LRP1B: variants seen among roughly 807,000 people sequenced by gnomAD.
LRP1B encodes the protein low-density lipoprotein receptor-related protein 1B.
LRP1B carries 217 observed loss-of-function variants against 556.6 expected under a neutral mutation model. The observed-to-expected ratio is 0.39, with a 90% confidence interval of 0.35 to 0.44. The LOEUF is 0.44. Among genes scored for constraint, LRP1B ranks in the 20% least tolerant of loss-of-function variants. LRP1B has a pLI of 1.00. For missense variants in LRP1B, 5,053 were observed against 5,620.8 expected, an observed-to-expected ratio of 0.90 and a Z score of 3.23; for synonymous variants, 2,047 against 1,865.8, an observed-to-expected ratio of 1.10 and a Z score of -2.50.
intron 1 of LRP1B, among the ~76,000 whole-genome samples, chr2:141,874,032 C>A (rs1374522177): frequency 6.8e-6 from 1 of 147,438 alleles, no homozygotes. Flanking sequence ...AAAACACAGA[C>A]TGAAATTTGC....
At chr2:141,394,272 C>T (rs1573895668) in intron 3 of LRP1B, among the ~76,000 whole-genome samples, 1 of 152,022 alleles carries the variant, frequency 6.6e-6, no homozygotes, top group Non-Finnish European at 1.5e-5. Flanking sequence ...ATTGTGTAAA[C>T]TTTCAGGACT....
chr2:141,272,135 T>A (rs1268685156), intron 3 of LRP1B, among the ~76,000 whole-genome samples: 1 of 152,056 alleles, frequency 6.6e-6, no homozygotes, highest in South Asian at 2.1e-4. Context: ...TATGTATTAT[T>A]GGGTTTATAA....
At chr2:141,189,200 C>T (rs1681389876) in intron 6 of LRP1B, among the ~76,000 whole-genome samples, 1 of 151,988 alleles carries the variant, frequency 6.6e-6, no homozygotes, top group Non-Finnish European at 1.5e-5. Flanking sequence ...TGCTGCCCAA[C>T]AGCACTTTCT....
intron 7 of LRP1B, among the ~76,000 whole-genome samples, chr2:141,140,551 G>T (rs182121661): frequency 2.0e-5 from 3 of 152,090 alleles, no homozygotes; most frequent in African/African-American, 7.2e-5. Context: ...CAATAGAGCT[G>T]GTGTCCTAAC....
At chr2:140,760,624 G>A (rs542968275) in intron 35 of LRP1B, among the ~76,000 whole-genome samples, 126 of 152,276 alleles carry the variant, frequency 8.3e-4, no homozygotes, top group East Asian at 3.9e-4. Flanking sequence ...AGTGGCTCAC[G>A]CCTGTAATTC....
Position 141,012,538 on chromosome 2 carries a change from T to A in LRP1B, c.2380+1018A>T, listed in dbSNP as rs548349892. On this transcript the variant is annotated intron_variant, in intron 14 of 90. Coordinates refer to ENST00000389484, the MANE Select transcript of LRP1B (RefSeq NM_018557.3). ...ATTTCTTGTCCATAGCTATGGCTTG[T>A]GCCATCCAAATAATTTAAGTTTTAT... is the stretch of plus-strand genomic sequence containing the variant. Among the ~76,000 whole-genome samples, 140 of 152,136 alleles carry A rather than the reference T, an allele frequency of 9.2e-4. 1 individual carries two copies. Among genetic ancestry groups the A allele is most frequent in the Admixed American group, 1.8e-3 (27 of 15,268 alleles).
chr2:140,321,099 T>A (rs953634957), intron 82 of LRP1B, among the ~76,000 whole-genome samples: 1 of 152,116 alleles, frequency 6.6e-6, no homozygotes, highest in Non-Finnish European at 1.5e-5. Flanking sequence ...AAAAGTATTA[T>A]GTGTGGATTT....
chr2:141,441,980 C>T (rs2105005367), intron 3 of LRP1B, among the ~76,000 whole-genome samples: 1 of 152,276 alleles, frequency 6.6e-6, no homozygotes, highest in East Asian at 1.9e-4. Flanking sequence ...GCTCTTAAAA[C>T]ATCACCCAGG....
At chr2:141,807,464 T>C (rs1453851833) in intron 2 of LRP1B, among the ~76,000 whole-genome samples, 1 of 152,090 alleles carries the variant, frequency 6.6e-6, no homozygotes, top group Non-Finnish European at 1.5e-5. Context: ...TTTAAGGATA[T>C]TCAGCAATTT....
At position 140,623,956 on chromosome 2, in the gene LRP1B, G is replaced by GTATGTATATATATA. The variant is rs1553501210; in HGVS notation, c.6800-22318_6800-22317insTATATATATACATA. Among the ~76,000 whole-genome samples, 3 of 106,436 alleles carry GTATGTATATATATA rather than the reference G, an allele frequency of 2.8e-5. No individual in the cohort carries two copies. In the East Asian group the frequency reaches 9.2e-4, roughly 33 times the overall value. 69.8% of individuals were successfully genotyped at this position (106,436 alleles called of 152,430 possible). On this transcript the variant is annotated intron_variant, in intron 41 of 90. Transcript: ENST00000389484. ...AAAATATATATTATATTTTATTTAT[G>GTATGTATATATATA]TATATATATATATATATAGCTTAGT...
At chr2:141,365,656 T>TTTTTTTTTTTTTTGGCTC (rs1553503425) in intron 3 of LRP1B, among the ~76,000 whole-genome samples, 32 of 72,980 alleles carry the variant, frequency 4.4e-4, no homozygotes, top group African/African-American at 1.5e-3. Context: ...TTTTTGTTGC[T>TTTTTTTTTTTTTTGGCTC]TTTTTTTTTT....
At chr2:141,006,570 A>G (rs1246286980) in intron 14 of LRP1B, among the ~76,000 whole-genome samples, 3 of 152,062 alleles carry the variant, frequency 2.0e-5, no homozygotes, top group Admixed American at 6.6e-5. Flanking sequence ...TGCGAACATC[A>G]TAAAGCATCC....
intron 3 of LRP1B, among the ~76,000 whole-genome samples, chr2:141,367,495 TTTTTTGAG>T: frequency 7.3e-6 from 1 of 137,732 alleles, no homozygotes; most frequent in African/African-American, 2.8e-5. Flanking sequence ...TTTTTTTTTT[TTTTTTGAG>T]ATGAAGTCTT....
At chr2:140,535,362 G>A (rs1416658901) in intron 46 of LRP1B, among the ~76,000 whole-genome samples, 4 of 152,096 alleles carry the variant, frequency 2.6e-5, no homozygotes, top group African/African-American at 9.7e-5. Flanking sequence ...ATTCATTAAA[G>A]CGAATATGTT....
At chr2:141,506,773 G>A (rs1211103590) in intron 2 of LRP1B, among the ~76,000 whole-genome samples, 1 of 151,928 alleles carries the variant, frequency 6.6e-6, no homozygotes. Flanking sequence ...ATCCTTTAAA[G>A]TCTAAATATT....
chr2:142,067,710 TCTGA>T (rs1705156529), intron 1 of LRP1B, among the ~76,000 whole-genome samples: 1 of 151,546 alleles, frequency 6.6e-6, no homozygotes, highest in South Asian at 2.1e-4. Context: ...ACAGGGTATC[TCTGA>T]CTTATAACTT....
chr2:141,671,915 A>C (rs1037128365), intron 2 of LRP1B, among the ~76,000 whole-genome samples: 1 of 152,012 alleles, frequency 6.6e-6, no homozygotes, highest in Non-Finnish European at 1.5e-5. Flanking sequence ...AGGCACTGGA[A>C]TATGTCTTGG....
intron 66 of LRP1B, among the ~76,000 whole-genome samples, chr2:140,417,564 G>C (rs974339756): frequency 6.6e-6 from 1 of 152,074 alleles, no homozygotes; most frequent in Non-Finnish European, 1.5e-5. Context: ...CACTTTTGTT[G>C]CCAACCAACA....
intron 2 of LRP1B, among the ~76,000 whole-genome samples, chr2:141,683,493 C>G (rs1312969876): frequency 2.6e-5 from 4 of 152,090 alleles, no homozygotes; most frequent in African/African-American, 9.7e-5. Context: ...ACCCTTGTTA[C>G]ACAGCGGCAG....
Sources: allele counts gnomAD v4.1 joint callset (sites outside exome capture counted in the v4.1 genomes callset), GRCh38; gene constraint gnomAD v4.1.1; transcripts MANE v1.5; gene names NCBI Gene and HGNC (gene_info 2026-07-23, HGNC 2026-07-21).